Variants in EXOC4 observed in about 807,000 individuals in gnomAD.
EXOC4 encodes SEC8-like 1.
Under a neutral mutation model 107.2 loss-of-function variants are expected in EXOC4, and 71 were observed. The ratio of observed to expected loss-of-function variants is 0.66; its 90% CI spans 0.55 to 0.81. EXOC4 has a LOEUF of 0.81. Ranked by LOEUF, EXOC4 falls within the 30% of genes least tolerant of loss-of-function variation. The probability of loss-of-function intolerance (pLI) is 0.00; values close to 1 mark genes in which losing one functional copy is unlikely to be tolerated. For missense variants in EXOC4, 1,108 were observed against 1,189.6 expected (o/e 0.93, Z 1.01); for synonymous variants, 456 against 441.2 (o/e 1.03, Z -0.42).
chr7:133,801,949 A>G (rs1796954364), intron 10 of EXOC4, among the ~76,000 whole-genome samples: 1 of 152,250 alleles, frequency 6.6e-6, no homozygotes, highest in African/African-American at 2.4e-5. Context: ...TTCAGGATAT[A>G]GTATTGCATC....
At chr7:133,831,962 G>A (rs1797820674) in intron 11 of EXOC4, among the ~76,000 whole-genome samples, 1 of 152,066 alleles carries the variant, frequency 6.6e-6, no homozygotes, top group Non-Finnish European at 1.5e-5. Flanking sequence ...CTTTCCCTCA[G>A]TGAGAAACCT....
At chr7:133,640,545 G>A (rs1415415974) in intron 10 of EXOC4, among the ~76,000 whole-genome samples, 1 of 152,104 alleles carries the variant, frequency 6.6e-6, no homozygotes, top group South Asian at 2.1e-4. Context: ...CTTATCTTGT[G>A]GGGCCAAGGA....
intron 11 of EXOC4, among the ~76,000 whole-genome samples, chr7:133,841,889 TCACTTATAAGTGAGAA>T (rs1360038143): frequency 6.6e-6 from 1 of 152,200 alleles, no homozygotes; most frequent in Non-Finnish European, 1.5e-5. Flanking sequence ...TGTTTAGCTC[TCACTTATAAGTGAGAA>T]CATGCAGTTT....
rs142440363 is a variant in EXOC4, at chr7:133,334,428, C to G, written c.763+17038C>G. Among the ~76,000 whole-genome samples the G allele has an allele frequency of 3.1e-3, 465 of 152,308 alleles. 3 individuals carry two copies. The highest frequency in any genetic ancestry group is 0.01 in the African/African-American group (434 of 41,572). ...CTCCTTTATACTTTGCTGTTTCACT[C>G]TACAATATATCCTGGAAATCATTCT... On this transcript the variant is annotated intron_variant, in intron 5 of 17. Transcript: ENST00000253861.
intron 11 of EXOC4, among the ~76,000 whole-genome samples, chr7:133,855,049 C>CTAAATATATA (rs1563028315): frequency 5.5e-5 from 3 of 54,118 alleles, no homozygotes; most frequent in African/African-American, 3.5e-4. Flanking sequence ...ATATATATAT[C>CTAAATATATA]TAAATATATC....
intron 17 of EXOC4, among the ~76,000 whole-genome samples, chr7:134,025,999 C>T (rs925522366): frequency 6.6e-6 from 1 of 152,174 alleles, no homozygotes; most frequent in Non-Finnish European, 1.5e-5. Flanking sequence ...GTGCACCCAA[C>T]GCAGTGCCTC....
chr7:133,754,822 A>T (rs1196029898), intron 10 of EXOC4, among the ~76,000 whole-genome samples: 1 of 152,172 alleles, frequency 6.6e-6, no homozygotes, highest in Non-Finnish European at 1.5e-5. Flanking sequence ...ATGTGGTCTA[A>T]AGCTCTTCAA....
At chr7:133,566,574 T>C (rs368720998) in intron 9 of EXOC4, among the ~76,000 whole-genome samples, 1 of 152,168 alleles carries the variant, frequency 6.6e-6, no homozygotes, top group African/African-American at 2.4e-5. Context: ...TTTGTTTTGT[T>C]TTTGTGACTA....
At chr7:133,427,955 A>G (rs1453893152) in intron 7 of EXOC4, among the ~76,000 whole-genome samples, 2 of 152,240 alleles carry the variant, frequency 1.3e-5, no homozygotes, top group Non-Finnish European at 1.5e-5. Context: ...GATGAGAGAC[A>G]TAACTACCTT....
chr7:133,904,751 C>T (rs1799530304), intron 12 of EXOC4, among the ~76,000 whole-genome samples: 1 of 152,196 alleles, frequency 6.6e-6, no homozygotes, highest in African/African-American at 2.4e-5. Flanking sequence ...CAACAATGCA[C>T]ACTCAAAGGC....
At chr7:133,957,135 C>T (rs542443145) in intron 14 of EXOC4, among the ~76,000 whole-genome samples, 1 of 152,256 alleles carries the variant, frequency 6.6e-6, no homozygotes, top group South Asian at 2.1e-4. Context: ...TGCAAGTGTT[C>T]CCTAAAGTCA....
intron 11 of EXOC4, among the ~76,000 whole-genome samples, chr7:133,847,252 T>A (rs1034607375): frequency 2.0e-5 from 3 of 152,180 alleles, no homozygotes; most frequent in African/African-American, 7.2e-5. Context: ...ATAATTTAGA[T>A]AAATAAGATG....
chr7:133,795,397 A>G (rs1563000998), intron 10 of EXOC4, among the ~76,000 whole-genome samples: 1 of 152,152 alleles, frequency 6.6e-6, no homozygotes, highest in Non-Finnish European at 1.5e-5. Context: ...GATAGCAGTG[A>G]TGTTTCAGAT....
chr7:133,553,657 T>C (rs1024953015), intron 9 of EXOC4, among the ~76,000 whole-genome samples: 4 of 152,196 alleles, frequency 2.6e-5, no homozygotes, highest in African/African-American at 7.2e-5. Flanking sequence ...TAATTTTTTT[T>C]CCTCTTTTGC....
intron 9 of EXOC4, among the ~76,000 whole-genome samples, chr7:133,501,106 T>G (rs1799567881): frequency 6.6e-6 from 1 of 152,178 alleles, no homozygotes; most frequent in Non-Finnish European, 1.5e-5. Context: ...AATTATTCAT[T>G]AAAAATAATG....
intron 9 of EXOC4, among the ~76,000 whole-genome samples, chr7:133,611,425 A>G (rs1030700436): frequency 6.6e-6 from 1 of 152,192 alleles, no homozygotes; most frequent in Non-Finnish European, 1.5e-5. Flanking sequence ...CTGAGTTTTT[A>G]AAGACATGAT....
chr7:133,902,026 G>T (rs75373246), intron 12 of EXOC4, among the ~76,000 whole-genome samples: 1,587 of 152,304 alleles, frequency 0.01, 15 homozygotes, highest in Middle Eastern at 0.017. Flanking sequence ...GTTAGGAAAG[G>T]ATCATGTGAC....
At chr7:133,765,804 C>T (rs1443306748) in intron 10 of EXOC4, among the ~76,000 whole-genome samples, 1 of 151,914 alleles carries the variant, frequency 6.6e-6, no homozygotes, top group Non-Finnish European at 1.5e-5. Context: ...GAATCATATT[C>T]CTGTCTCTTT....
At chr7:133,558,346 T>C (rs1361334379) in intron 9 of EXOC4, among the ~76,000 whole-genome samples, 1 of 152,068 alleles carries the variant, frequency 6.6e-6, no homozygotes, top group Non-Finnish European at 1.5e-5. Context: ...ATCAGAATTA[T>C]GGCTTCTTTG....
Sources: allele counts gnomAD v4.1 joint callset (sites outside exome capture counted in the v4.1 genomes callset), GRCh38; gene constraint gnomAD v4.1.1; transcripts MANE v1.5; gene names NCBI Gene and HGNC (gene_info 2026-07-23, HGNC 2026-07-21).